TMEM117: variants seen among roughly 807,000 people sequenced by gnomAD.
TMEM117 encodes the protein transmembrane protein 117.
Under a neutral mutation model 52.4 loss-of-function variants are expected in TMEM117, and 27 were observed. The ratio of observed to expected loss-of-function variants is 0.51; its 90% CI spans 0.38 to 0.71. TMEM117 has a LOEUF of 0.71. Among genes scored for constraint, TMEM117 ranks in the 30% least tolerant of loss-of-function variants. The probability of loss-of-function intolerance (pLI) is 0.00; values close to 1 mark genes in which losing one functional copy is unlikely to be tolerated. For synonymous variants in TMEM117, 215 were observed against 206.3 expected, an observed-to-expected ratio of 1.04 and a Z score of -0.36; for missense variants, 556 against 630.5, an observed-to-expected ratio of 0.88 and a Z score of 1.26.
At chr12:44,032,914 C>T (rs949089298) in intron 3 of TMEM117, among the ~76,000 whole-genome samples, 9 of 152,072 alleles carry the variant, frequency 5.9e-5, no homozygotes, top group African/African-American at 2.2e-4. Context: ...GGAGGAATGT[C>T]AGAGGTGTGT....
At chr12:44,303,543 A>G (rs1245786291) in intron 6 of TMEM117, among the ~76,000 whole-genome samples, 2 of 152,212 alleles carry the variant, frequency 1.3e-5, no homozygotes, top group Non-Finnish European at 2.9e-5. Flanking sequence ...CTGTGGTTTT[A>G]GTAAACTCAC....
downstream of TMEM117, among the ~76,000 whole-genome samples, chr12:44,394,682 C>G (rs998141775): frequency 6.6e-6 from 1 of 152,194 alleles, no homozygotes; most frequent in Non-Finnish European, 1.5e-5. Context: ...TCAGGACACT[C>G]TCATCTTGCC....
chr12:43,806,292 GC>G, the TMEM117 span: 1 of 1,442,132 alleles, frequency 6.9e-7, no homozygotes. Context: ...GCAGCCAGCG[GC>G]CCCGGCCGGC....
chr12:44,062,135 G>GT (rs1160548423), intron 3 of TMEM117, among the ~76,000 whole-genome samples: 2 of 152,166 alleles, frequency 1.3e-5, no homozygotes, highest in Non-Finnish European at 2.9e-5. Flanking sequence ...GAAGGCAAAT[G>GT]TTTTGGACCA....
At chr12:43,928,113 T>A (rs1385455644) in intron 2 of TMEM117, among the ~76,000 whole-genome samples, 8 of 152,040 alleles carry the variant, frequency 5.3e-5, no homozygotes, top group Non-Finnish European at 1.2e-4. Context: ...CTTTACTATG[T>A]ATATTTAAAA....
chr12:44,277,513 T>C (rs968249058), intron 5 of TMEM117, among the ~76,000 whole-genome samples: 4 of 152,154 alleles, frequency 2.6e-5, no homozygotes, highest in South Asian at 2.1e-4. Context: ...AATTGTCTGC[T>C]GACTATTTTA....
At chr12:44,138,451 C>T (rs146340530) in intron 3 of TMEM117, among the ~76,000 whole-genome samples, 11 of 152,156 alleles carry the variant, frequency 7.2e-5, no homozygotes, top group African/African-American at 2.7e-4. Flanking sequence ...ACTGAATGGG[C>T]TGAAGTAAGG....
chr12:43,906,637 C>T (rs55935254), intron 2 of TMEM117, among the ~76,000 whole-genome samples: 4,746 of 152,260 alleles, frequency 0.031, 97 homozygotes, highest in Non-Finnish European at 0.041. Flanking sequence ...AGTGGGTGCA[C>T]GCACCATGCA....
At chr12:43,984,493 G>A (rs1055469607) in intron 3 of TMEM117, among the ~76,000 whole-genome samples, 3 of 152,144 alleles carry the variant, frequency 2.0e-5, no homozygotes, top group African/African-American at 7.2e-5. Context: ...TTCATCAGAT[G>A]AACACCTGAC....
At chr12:43,940,839 T>A in intron 2 of TMEM117, among the ~76,000 whole-genome samples, 1 of 152,178 alleles carries the variant, frequency 6.6e-6, no homozygotes, top group East Asian at 1.9e-4. Flanking sequence ...CCACTGCACC[T>A]GGCCCATAAT....
At chr12:44,207,603 G>C (rs997509157) in intron 4 of TMEM117, among the ~76,000 whole-genome samples, 1 of 152,038 alleles carries the variant, frequency 6.6e-6, no homozygotes, top group African/African-American at 2.4e-5. Flanking sequence ...TTATAGAAAA[G>C]ATTGATTGTC....
intron 6 of TMEM117, among the ~76,000 whole-genome samples, chr12:44,374,440 A>T (rs1232158275): frequency 6.6e-6 from 1 of 152,090 alleles, no homozygotes; most frequent in African/African-American, 2.4e-5. Context: ...GTCACACTTC[A>T]CACCCCCAGG....
intron 2 of TMEM117, among the ~76,000 whole-genome samples, chr12:43,914,626 T>TA (rs1355912766): frequency 1.3e-4 from 20 of 152,142 alleles, no homozygotes; most frequent in Admixed American, 1.2e-3. Context: ...CCCTGACTGA[T>TA]ACGTCTGCAT....
At chr12:44,370,353 G>C (rs932242580) in intron 6 of TMEM117, among the ~76,000 whole-genome samples, 1 of 151,894 alleles carries the variant, frequency 6.6e-6, no homozygotes, top group African/African-American at 2.4e-5. Flanking sequence ...AGTACACCTA[G>C]TTTATAGGGA....
the TMEM117 span, among the ~76,000 whole-genome samples, chr12:43,800,882 C>T: frequency 6.6e-6 from 1 of 152,042 alleles, no homozygotes; most frequent in African/African-American, 2.4e-5. Flanking sequence ...TCCCGAGTAG[C>T]TGGGATTATA....
intron 3 of TMEM117, among the ~76,000 whole-genome samples, chr12:43,957,826 C>T (rs1216088295): frequency 6.6e-6 from 1 of 152,118 alleles, no homozygotes; most frequent in Non-Finnish European, 1.5e-5. Flanking sequence ...TTCAAATATT[C>T]CTGTTCCCCA....
downstream of TMEM117, among the ~76,000 whole-genome samples, chr12:44,392,376 T>C (rs1952165130): frequency 6.6e-6 from 1 of 152,180 alleles, no homozygotes; most frequent in Non-Finnish European, 1.5e-5. Context: ...ATAGCCTCTA[T>C]GAAAGGAACT....
chr12:44,038,183 C>T (rs903731660), intron 3 of TMEM117, among the ~76,000 whole-genome samples: 2 of 152,150 alleles, frequency 1.3e-5, no homozygotes, highest in Admixed American at 6.5e-5. Context: ...AAGCATGCCC[C>T]TTGCTTGCCT....
chr12:44,386,638 C>T (rs1311381621), intron 7 of TMEM117, among the ~76,000 whole-genome samples: 1 of 152,056 alleles, frequency 6.6e-6, no homozygotes, highest in Non-Finnish European at 1.5e-5. Flanking sequence ...CTATTATGTA[C>T]CAGGCACTGT....
Sources: gnomAD v4.1 joint callset for allele counts (sites outside exome capture counted in the v4.1 genomes callset) on GRCh38, gnomAD v4.1.1 for gene constraint, MANE v1.5 for transcripts, NCBI Gene and HGNC (gene_info 2026-07-23, HGNC 2026-07-21) for gene names.